MYO1D: variants seen among roughly 807,000 people sequenced by gnomAD.
The protein encoded by MYO1D is unconventional myosin-Id.
A neutral mutation model predicts 122.0 loss-of-function variants in MYO1D; 83 were observed. The ratio of observed to expected loss-of-function variants is 0.68; its 90% CI spans 0.57 to 0.82. The LOEUF (loss-of-function observed/expected upper bound fraction) is 0.82, where lower values mean the gene tolerates loss of function less well. Among genes scored for constraint, MYO1D ranks in the 40% least tolerant of loss-of-function variants. The pLI, the probability that MYO1D is intolerant of heterozygous loss-of-function variation, is 0.00. For synonymous variants in MYO1D, 464 were observed against 446.9 expected (o/e 1.04, Z -0.48); for missense variants, 1,157 against 1,269.5 (o/e 0.91, Z 1.35).
chr17:32,758,655 A>G (rs572269400), intron 10 of MYO1D, among the ~76,000 whole-genome samples: 2 of 152,292 alleles, frequency 1.3e-5, no homozygotes, highest in Admixed American at 6.5e-5. Flanking sequence ...ATGGGTATAT[A>G]GGGTTTACTG....
intron 21 of MYO1D, among the ~76,000 whole-genome samples, chr17:32,545,327 G>A (rs562121974): frequency 2.8e-4 from 43 of 152,330 alleles, no homozygotes; most frequent in African/African-American, 7.7e-4. Context: ...GTGAGAAAAC[G>A]TATGTAAAGC....
intron 21 of MYO1D, among the ~76,000 whole-genome samples, chr17:32,508,774 G>A (rs1485521075): frequency 2.0e-5 from 3 of 152,170 alleles, no homozygotes; most frequent in African/African-American, 7.2e-5. Flanking sequence ...GTAGAGGCAG[G>A]ATTTGAACCC....
At chr17:32,737,429 TG>T (rs1470374332) in intron 14 of MYO1D, among the ~76,000 whole-genome samples, 1 of 151,984 alleles carries the variant, frequency 6.6e-6, no homozygotes, top group Non-Finnish European at 1.5e-5. Context: ...GGTGTGATCT[TG>T]GCTCACTGCA....
intron 21 of MYO1D, among the ~76,000 whole-genome samples, chr17:32,539,097 T>A (rs757251693): frequency 1.3e-5 from 2 of 152,100 alleles, no homozygotes; most frequent in Non-Finnish European, 1.5e-5. Flanking sequence ...TGCACATGTA[T>A]CCTGGAACTT....
intron 1 of MYO1D, among the ~76,000 whole-genome samples, chr17:32,823,170 T>C (rs1035947055): frequency 2.4e-4 from 36 of 152,052 alleles, no homozygotes; most frequent in African/African-American, 8.5e-4. Context: ...AGGCACCCCT[T>C]TTCCTCGTTT....
chr17:32,529,829 C>T (rs557156832), intron 21 of MYO1D: 80 of 152,362 alleles, frequency 5.3e-4, no homozygotes, highest in African/African-American at 1.8e-3. Flanking sequence ...CAGCGCTCCT[C>T]ACCGTGGGGG....
chr17:32,811,616 CTTTTT>C (rs755189217), intron 1 of MYO1D, among the ~76,000 whole-genome samples: 6 of 57,538 alleles, frequency 1.0e-4, no homozygotes, highest in Admixed American at 2.3e-4. Context: ...CCCTCACCCT[CTTTTT>C]TTTTTTTTTT....
intron 1 of MYO1D, among the ~76,000 whole-genome samples, chr17:32,798,177 T>C (rs2090434210): frequency 6.6e-6 from 1 of 152,190 alleles, no homozygotes; most frequent in Non-Finnish European, 1.5e-5. Flanking sequence ...ATTGTTTTTG[T>C]TGGGGTGAAT....
chr17:32,783,156 A>AC (rs1233285153), intron 1 of MYO1D, among the ~76,000 whole-genome samples: 1 of 108,492 alleles, frequency 9.2e-6, no homozygotes, highest in East Asian at 3.9e-4. Flanking sequence ...CACTGTCCAA[A>AC]CAAAAAAAAA....
intron 1 of MYO1D, among the ~76,000 whole-genome samples, chr17:32,819,707 T>G (rs1160231517): frequency 6.6e-6 from 1 of 152,194 alleles, no homozygotes; most frequent in Non-Finnish European, 1.5e-5. Flanking sequence ...TAATTCCAAA[T>G]TCCTACCAGA....
rs1331490311 is a variant in MYO1D, at chr17:32,775,883, T to C, written c.545A>G (p.Asn182Ser). 4 of 1,612,224 alleles carry C rather than the reference T, an allele frequency of 2.5e-6. No individual in the cohort carries two copies. Among genetic ancestry groups the C allele is most frequent in the East Asian group, 2.2e-5 (1 of 44,806 alleles). ...FKGDPIGGHI[N>S]NYLLEKSRVI... is the part of the protein sequence containing the mutation. ...TTTTACCTTTTCTAGTAAGTAGTTA[T>C]TGATATGCCCACCAATAGGGTCACC... Residue 182 changes from asparagine (N) to serine (S), a missense_variant, in exon 4 of 22, where the codon AAT becomes AGT. Transcript: ENST00000318217.
At chr17:32,640,156 T>C (rs1197159335) in intron 19 of MYO1D, among the ~76,000 whole-genome samples, 4 of 152,050 alleles carry the variant, frequency 2.6e-5, no homozygotes, top group Non-Finnish European at 5.9e-5. Context: ...TTGACAAAAA[T>C]GGTGTCTGTA....
chr17:32,693,216 G>C (rs1258704557), intron 16 of MYO1D, among the ~76,000 whole-genome samples: 1 of 152,012 alleles, frequency 6.6e-6, no homozygotes, highest in East Asian at 1.9e-4. Flanking sequence ...TGAGCTTGTA[G>C]CAATTAAAAA....
At chr17:32,773,849 A>C (rs1477890689) in intron 4 of MYO1D, among the ~76,000 whole-genome samples, 1 of 152,158 alleles carries the variant, frequency 6.6e-6, no homozygotes, top group Non-Finnish European at 1.5e-5. Context: ...CCTGACGTCC[A>C]GGCATTCTTT....
At chr17:32,651,210 A>C (rs1376625719) in intron 19 of MYO1D, among the ~76,000 whole-genome samples, 1 of 152,230 alleles carries the variant, frequency 6.6e-6, no homozygotes, top group Non-Finnish European at 1.5e-5. Flanking sequence ...TGGTGTGAAC[A>C]GGCACTACTT....
intron 21 of MYO1D, among the ~76,000 whole-genome samples, chr17:32,543,239 T>G (rs1354827812): frequency 7.0e-6 from 1 of 143,090 alleles, no homozygotes; most frequent in African/African-American, 2.6e-5. Flanking sequence ...AAAAAATGAA[T>G]AAATAAACAA....
intron 21 of MYO1D, among the ~76,000 whole-genome samples, chr17:32,540,807 T>C (rs1285333940): frequency 6.6e-6 from 1 of 151,108 alleles, no homozygotes; most frequent in Non-Finnish European, 1.5e-5. Context: ...GGGCCTGTAA[T>C]CCCAGCTACT....
chr17:32,791,363 CAA>C (rs60741553), intron 1 of MYO1D, among the ~76,000 whole-genome samples: 2,834 of 49,120 alleles, frequency 0.058, 29 homozygotes, highest in East Asian at 0.26. Context: ...GACTCCGTCT[CAA>C]AAAAAAAAAA....
At chr17:32,742,972 T>C (rs2049184113) in intron 13 of MYO1D, among the ~76,000 whole-genome samples, 2 of 152,348 alleles carry the variant, frequency 1.3e-5, no homozygotes, top group Middle Eastern at 3.4e-3. Flanking sequence ...GCAAATCCAA[T>C]GGTCAATCTT....
Sources: gnomAD v4.1 joint callset for allele counts (sites outside exome capture counted in the v4.1 genomes callset) on GRCh38, gnomAD v4.1.1 for gene constraint, MANE v1.5 for transcripts, NCBI Gene and HGNC (gene_info 2026-07-23, HGNC 2026-07-21) for gene names.